The following PANX1 variants were observed in gnomAD, a reference collection of about 807,000 sequenced individuals.
PANX1 encodes pannexin-1.
In PANX1, 30 loss-of-function variants were observed where a neutral mutation model predicts 38.7. The observed-to-expected ratio is 0.78, with a 90% confidence interval of 0.58 to 1.05. The LOEUF is 1.05. PANX1 is among the 50% of genes least tolerant of loss of function. PANX1 has a pLI of 0.00. For synonymous variants in PANX1, 230 were observed against 212.2 expected (o/e 1.08, Z -0.73); for missense variants, 551 against 517.2 (o/e 1.07, Z -0.63).
At chr11:94,152,731 T>C (rs1946897531) in intron 1 of PANX1, among the ~76,000 whole-genome samples, 2 of 152,190 alleles carry the variant, frequency 1.3e-5, no homozygotes, top group African/African-American at 4.8e-5. Flanking sequence ...TGGTAGGTTT[T>C]ACAGATGTGA....
chr11:94,172,274 T>C (rs948035442), intron 2 of PANX1, among the ~76,000 whole-genome samples: 17 of 151,334 alleles, frequency 1.1e-4, no homozygotes, highest in African/African-American at 3.2e-4. Context: ...TGAGCCCATC[T>C]TGCCGTACAA....
chr11:94,171,861 G>A (rs947696632), intron 2 of PANX1, among the ~76,000 whole-genome samples: 4 of 150,420 alleles, frequency 2.7e-5, no homozygotes, highest in Admixed American at 2.6e-4. Context: ...CTCGGGGGGT[G>A]GGGGGCACCC....
At chr11:94,168,688 C>T (rs1947130221) in intron 2 of PANX1, among the ~76,000 whole-genome samples, 1 of 151,562 alleles carries the variant, frequency 6.6e-6, no homozygotes, top group Non-Finnish European at 1.5e-5. Context: ...CACATGGTCA[C>T]TGTCGCAGCT....
chr11:94,171,702 T>A (rs1947169508), intron 2 of PANX1, among the ~76,000 whole-genome samples: 1 of 151,652 alleles, frequency 6.6e-6, no homozygotes, highest in African/African-American at 2.4e-5. Context: ...TCAGCACTGG[T>A]ATGACACTGG....
intron 2 of PANX1, among the ~76,000 whole-genome samples, chr11:94,175,034 T>C (rs1947216620): frequency 6.6e-6 from 1 of 151,698 alleles, no homozygotes; most frequent in Non-Finnish European, 1.5e-5. Context: ...TCATGCAGAA[T>C]AGTGCCATCA....
chr11:94,154,596 C>G (rs541842376), intron 2 of PANX1, among the ~76,000 whole-genome samples: 53 of 152,252 alleles, frequency 3.5e-4, no homozygotes, highest in Admixed American at 2.0e-3. Context: ...CCAGACACAC[C>G]ATCAGCATCC....
intron 1 of PANX1, among the ~76,000 whole-genome samples, chr11:94,139,026 C>T (rs1219505244): frequency 6.6e-6 from 1 of 152,182 alleles, no homozygotes; most frequent in Admixed American, 6.5e-5. Flanking sequence ...TGATAATCCC[C>T]CCATTGTCAT....
chr11:94,152,281 GT>G (rs1027028624), intron 1 of PANX1, among the ~76,000 whole-genome samples: 1 of 152,074 alleles, frequency 6.6e-6, no homozygotes, highest in Non-Finnish European at 1.5e-5. Flanking sequence ...TTTTTTGTGT[GT>G]TTTTTTAATT....
At chr11:94,149,155 T>C (rs2134489122) in intron 1 of PANX1, among the ~76,000 whole-genome samples, 1 of 152,086 alleles carries the variant, frequency 6.6e-6, no homozygotes, top group African/African-American at 2.4e-5. Flanking sequence ...AACAAAAAAA[T>C]GGGGGGCGTA....
At chr11:94,180,740 G>A in intron 4 of PANX1, 50 bp from the exon 5 acceptor site, 2 of 1,022,694 alleles carry the variant, frequency 2.0e-6, no homozygotes, top group Non-Finnish European at 3.1e-6. Flanking sequence ...ATTAGTATTG[G>A]TAATTCCTGC....
At position 94,181,857 on chromosome 11, in the gene PANX1, C is replaced by G. The variant is rs557410913; in HGVS notation, c.*988C>G. 6.6e-6 allele frequency: 1 copy of G among 152,244 alleles called. No homozygotes were observed. Among genetic ancestry groups the G allele is most frequent in the African/African-American group, 2.4e-5 (1 of 41,564 alleles). The allele number at this position is 152,244 out of a possible 1,614,324, so 9.4% of individuals were successfully genotyped here. Reference sequence around the variant, plus strand: ...TTATTTTGTTTATATTTAAGCACAGCTTTAAAAAATTCATTATCGTTTATT... The same window carrying G: ...TTATTTTGTTTATATTTAAGCACAGGTTTAAAAAATTCATTATCGTTTATT... On this transcript the variant is annotated 3_prime_UTR_variant, in exon 5 of 5. Coordinates refer to ENST00000227638, the MANE Select transcript of PANX1 (RefSeq NM_015368.4).
intron 1 of PANX1, among the ~76,000 whole-genome samples, chr11:94,131,900 A>G (rs1946634082): frequency 6.6e-6 from 1 of 152,186 alleles, no homozygotes; most frequent in African/African-American, 2.4e-5. Flanking sequence ...GAAGTAATTG[A>G]AATGGAGCTG....
chr11:94,151,373 AG>A (rs536983189), intron 1 of PANX1, among the ~76,000 whole-genome samples: 43 of 152,334 alleles, frequency 2.8e-4, no homozygotes, highest in Non-Finnish European at 5.7e-4. Flanking sequence ...TCCTATAGAA[AG>A]AATGTTAATA....
intron 1 of PANX1, among the ~76,000 whole-genome samples, chr11:94,130,960 G>T (rs1205236853): frequency 6.6e-6 from 1 of 152,238 alleles, no homozygotes; most frequent in African/African-American, 2.4e-5. Flanking sequence ...CCTGCTCTTT[G>T]CGCAGGCATA....
chr11:94,167,636 A>C (rs1799404452), intron 2 of PANX1, among the ~76,000 whole-genome samples: 1 of 152,260 alleles, frequency 6.6e-6, no homozygotes, highest in African/African-American at 2.4e-5. Context: ...TATTCAAAGA[A>C]TTATGATTAT....
chr11:94,129,888 A>T (rs552395817), intron 1 of PANX1, among the ~76,000 whole-genome samples: 1 of 152,220 alleles, frequency 6.6e-6, no homozygotes, highest in Non-Finnish European at 1.5e-5. Context: ...CTGAGTGGCT[A>T]CATGGAGGAT....
chr11:94,138,518 AT>A (rs1388650979), intron 1 of PANX1, among the ~76,000 whole-genome samples: 1 of 151,294 alleles, frequency 6.6e-6, no homozygotes, highest in Non-Finnish European at 1.5e-5. Flanking sequence ...TTAATTTTTA[AT>A]TTTTGTTGGT....
chr11:94,141,723 G>A (rs1032758589), intron 1 of PANX1, among the ~76,000 whole-genome samples: 1 of 152,104 alleles, frequency 6.6e-6, no homozygotes, highest in Non-Finnish European at 1.5e-5. Context: ...GAGTTATAAA[G>A]CCAGACTTCC....
chr11:94,171,372 A>T (rs1350008227), intron 2 of PANX1, among the ~76,000 whole-genome samples: 1 of 151,750 alleles, frequency 6.6e-6, no homozygotes, highest in Non-Finnish European at 1.5e-5. Flanking sequence ...TCTTGCCATA[A>T]TTCTGCTTTA....
Sources: gnomAD v4.1 joint callset for allele counts (sites outside exome capture counted in the v4.1 genomes callset) on GRCh38, gnomAD v4.1.1 for gene constraint, MANE v1.5 for transcripts, NCBI Gene and HGNC (gene_info 2026-07-23, HGNC 2026-07-21) for gene names.